The following AGO3 variants were observed in gnomAD, a reference collection of about 807,000 sequenced individuals.
AGO3 encodes the protein protein argonaute-3.
A neutral mutation model predicts 105.5 loss-of-function variants in AGO3; 16 were observed. That is an observed-to-expected ratio of 0.15 (90% CI 0.10 to 0.23). The LOEUF (loss-of-function observed/expected upper bound fraction) is 0.23. AGO3 is among the 10% of genes least tolerant of loss of function. AGO3 has a pLI of 1.00. For missense variants in AGO3, 534 were observed against 1,088.0 expected, an observed-to-expected ratio of 0.49 and a Z score of 7.16; for synonymous variants, 340 against 367.3, an observed-to-expected ratio of 0.93 and a Z score of 0.85.
In AGO3 at chr1:36,064,040, C is replaced by G. The variant is rs1406312488; in HGVS notation, c.*8295C>G. 6.6e-6 allele frequency: 1 copy of G among 152,270 alleles called. No individual in the cohort carries two copies. Among genetic ancestry groups the G allele is most frequent in the Non-Finnish European group, 1.5e-5 (1 of 68,100 alleles). 9.4% of individuals were successfully genotyped at this position (152,270 alleles called of 1,614,324 possible). On this transcript the variant is annotated 3_prime_UTR_variant, in exon 19 of 19. Transcript: ENST00000373191. ...GGATTACAGCCATGAGCCACTGCAT[C>G]TGGCCAAGATCAAGATTATGGATAT...
intron 5 of AGO3, among the ~76,000 whole-genome samples, chr1:35,980,163 G>C (rs1217215074): frequency 1.3e-5 from 2 of 151,898 alleles, no homozygotes; most frequent in Admixed American, 6.6e-5. Context: ...CCTTAATTGA[G>C]TAACAATTAC....
At chr1:36,048,568 TAAG>T (rs1402774543) in intron 17 of AGO3, among the ~76,000 whole-genome samples, 3 of 151,678 alleles carry the variant, frequency 2.0e-5, no homozygotes, top group South Asian at 2.1e-4. Context: ...ACCATGATAA[TAAG>T]AAGAAAGGAA....
chr1:35,960,745 A>G (rs979503742), intron 2 of AGO3, among the ~76,000 whole-genome samples: 28 of 152,080 alleles, frequency 1.8e-4, no homozygotes, highest in Admixed American at 8.5e-4. Flanking sequence ...TCTTTGTAGC[A>G]TAGGTTTTGT....
At position 36,055,120 on chromosome 1, in the gene AGO3, C is replaced by T; in HGVS notation, c.2449C>T (p.His817Tyr). The T allele has an allele frequency of 6.2e-7, 1 of 1,609,672 alleles. No individual in the cohort carries two copies. Among genetic ancestry groups the T allele is most frequent in the Non-Finnish European group, 8.5e-7 (1 of 1,177,614 alleles). ...CCTGGTAGCATTTAGAGCCAGATAT[C>T]ATCTTGTGGACAAAGAACATGACAG... ...AHLVAFRARY[H>Y]LVDKEHDSAE... Residue 817 changes from histidine (H) to tyrosine (Y), a missense_variant, in exon 18 of 19, where the codon CAT becomes TAT. By Grantham distance (83) the His-to-Tyr change is moderately conservative. This residue lies in a region of AGO3 where 373 missense variants were observed against 854.0 expected (regional missense o/e 0.44). Coordinates refer to ENST00000373191, the MANE Select transcript of AGO3 (RefSeq NM_024852.4). This position sits in a 1 kb window ranked among gnomAD's most constrained non-coding sequence, Gnocchi z 4.4.
chr1:35,934,590 A>C (rs979591335), intron 1 of AGO3, among the ~76,000 whole-genome samples: 20 of 152,206 alleles, frequency 1.3e-4, no homozygotes, highest in African/African-American at 4.8e-4. Context: ...AAAAATACCT[A>C]CTAAAATATG....
chr1:35,950,525 C>T (rs1428168815), intron 2 of AGO3, among the ~76,000 whole-genome samples: 3 of 152,008 alleles, frequency 2.0e-5, no homozygotes, highest in South Asian at 2.1e-4. Context: ...TTTTTTTGTC[C>T]TTTCCTCACC....
intron 12 of AGO3, among the ~76,000 whole-genome samples, chr1:36,029,290 G>A (rs1390979771): frequency 2.6e-5 from 4 of 151,706 alleles, no homozygotes; most frequent in South Asian, 2.1e-4. Flanking sequence ...ACCACTGAAC[G>A]GGGTAAAATC....
chr1:36,026,877 T>A (rs1449805004), intron 11 of AGO3, among the ~76,000 whole-genome samples: 1 of 152,218 alleles, frequency 6.6e-6, no homozygotes, highest in Non-Finnish European at 1.5e-5. Context: ...GCATATACTA[T>A]TAGTAATGCT....
chr1:36,038,455 C>T (rs1429669304), intron 14 of AGO3, among the ~76,000 whole-genome samples: 1 of 152,028 alleles, frequency 6.6e-6, no homozygotes, highest in Non-Finnish European at 1.5e-5. Flanking sequence ...CGGGGTTTCA[C>T]TGTGTTAGCC....
chr1:36,024,582 C>T (rs556015997), intron 11 of AGO3, among the ~76,000 whole-genome samples: 13 of 152,256 alleles, frequency 8.5e-5, no homozygotes, highest in Admixed American at 2.0e-4. Flanking sequence ...TTGAGAAATT[C>T]GGCTGTCATG....
At position 35,942,273 on chromosome 1, in the gene AGO3, T is replaced by C. The variant is rs142595944; in HGVS notation, c.20-3419T>C. Among the ~76,000 whole-genome samples, 1,169 of 152,358 alleles carry C rather than the reference T, an allele frequency of 7.7e-3. 6 individuals carry two copies. Among genetic ancestry groups the C allele is most frequent in the Non-Finnish European group, 0.012 (834 of 68,026 alleles). On this transcript the variant is annotated intron_variant, in intron 1 of 18. Coordinates refer to ENST00000373191, the MANE Select transcript of AGO3 (RefSeq NM_024852.4). ...CTGATACAAACTCATTCTTTTGATATATTGTTGGATTTAATTTAACATTTT... is the reference window on the plus strand; with the variant it reads ...CTGATACAAACTCATTCTTTTGATACATTGTTGGATTTAATTTAACATTTT...
chr1:36,067,155 A>G lies in AGO3; in HGVS notation c.*11410A>G, dbSNP rs1643105823. 1 of 152,100 alleles carries G rather than the reference A, an allele frequency of 6.6e-6. No homozygotes were observed. Among genetic ancestry groups the G allele is most frequent in the Non-Finnish European group, 1.5e-5 (1 of 68,026 alleles). 9.4% of individuals were successfully genotyped at this position (152,100 alleles called of 1,614,324 possible). Reference sequence around the variant, plus strand: ...AACACCAAGCAGGGCCTTTCCAGACAATGTAGTCTTTCCTGTAAAGAAAAT... The same window carrying G: ...AACACCAAGCAGGGCCTTTCCAGACGATGTAGTCTTTCCTGTAAAGAAAAT... On this transcript the variant is annotated 3_prime_UTR_variant, in exon 19 of 19. Transcript: ENST00000373191.
chr1:35,946,795 C>G (rs1646373925), intron 2 of AGO3, among the ~76,000 whole-genome samples: 1 of 152,172 alleles, frequency 6.6e-6, no homozygotes, highest in African/African-American at 2.4e-5. Flanking sequence ...AACAACACCT[C>G]TAAGAATGTT....
intron 1 of AGO3, among the ~76,000 whole-genome samples, chr1:35,945,216 T>TTC (rs900524897): frequency 5.4e-5 from 8 of 147,132 alleles, no homozygotes; most frequent in African/African-American, 2.1e-4. Flanking sequence ...TTCTTTTCTT[T>TTC]TTTTTTTTTA....
intron 6 of AGO3, among the ~76,000 whole-genome samples, chr1:36,006,483 TA>T (rs1017054995): frequency 1.3e-5 from 2 of 152,112 alleles, no homozygotes; most frequent in Non-Finnish European, 2.9e-5. Context: ...ACCTTATTAA[TA>T]TTTTTTTAAT....
chr1:35,972,350 A>G (rs1646884334), intron 4 of AGO3, 118 bp downstream of exon 4: 2 of 1,168,330 alleles, frequency 1.7e-6, no homozygotes, highest in African/African-American at 1.5e-5. Flanking sequence ...TGAAATGTTG[A>G]ACAAGAATAG....
At chr1:35,985,424 A>G (rs1222257528) in intron 5 of AGO3, among the ~76,000 whole-genome samples, 2 of 152,244 alleles carry the variant, frequency 1.3e-5, no homozygotes, top group Non-Finnish European at 2.9e-5. Flanking sequence ...CCTACTTCCT[A>G]TAAAACTGTA....
chr1:35,963,400 G>A (rs1332084399), intron 2 of AGO3, among the ~76,000 whole-genome samples: 1 of 151,910 alleles, frequency 6.6e-6, no homozygotes, highest in Non-Finnish European at 1.5e-5. Context: ...CCACAGCAAC[G>A]TGAATAGGTT....
chr1:36,043,275 G>C, intron 16 of AGO3, 172 bp from the exon 17 acceptor site: 1 of 584,920 alleles, frequency 1.7e-6, no homozygotes, highest in South Asian at 2.3e-5. Context: ...CAACATGTAA[G>C]AATAGGAACT....
Sources: gnomAD v4.1 joint callset for allele counts (sites outside exome capture counted in the v4.1 genomes callset) on GRCh38, gnomAD v4.1.1 for gene constraint, gnomAD v4.1.1 regional missense constraint, Gnocchi (gnomAD v3.1) non-coding constraint, MANE v1.5 for transcripts, NCBI Gene and HGNC (gene_info 2026-07-23, HGNC 2026-07-21) for gene names.